The following NCAM2 variants were observed in gnomAD, a reference collection of about 807,000 sequenced individuals.
The protein encoded by NCAM2 is neural cell adhesion molecule 2.
In NCAM2, 30 loss-of-function variants were observed where a neutral mutation model predicts 98.1. That is an observed-to-expected ratio of 0.31 (90% CI 0.23 to 0.41). NCAM2 has a LOEUF of 0.41. Among genes scored for constraint, NCAM2 ranks in the 10% least tolerant of loss-of-function variants. NCAM2 has a pLI of 1.00. For missense variants in NCAM2, 867 were observed against 1,005.8 expected, an observed-to-expected ratio of 0.86 and a Z score of 1.87; for synonymous variants, 368 against 342.4, an observed-to-expected ratio of 1.07 and a Z score of -0.83.
chr21:21,355,149 C>T (rs80161382), intron 8 of NCAM2, among the ~76,000 whole-genome samples: 2,672 of 152,050 alleles, frequency 0.018, 75 homozygotes, highest in East Asian at 0.14. Flanking sequence ...AAGATTATTT[C>T]GTGACCGGGC....
At chr21:21,515,754 A>G (rs780159230) in intron 16 of NCAM2, among the ~76,000 whole-genome samples, 4 of 152,170 alleles carry the variant, frequency 2.6e-5, no homozygotes, top group Non-Finnish European at 4.4e-5. Flanking sequence ...GACACTATAA[A>G]CAATGACAGC....
In NCAM2 at chr21:21,196,941, T is replaced by C. The variant is rs540304237; in HGVS notation, c.56-83637T>C. On this transcript the variant is annotated intron_variant, in intron 1 of 17. Coordinates refer to ENST00000400546, the MANE Select transcript of NCAM2 (RefSeq NM_004540.5). ...TGGGAGATCTCGTTGTTTAAAAGTG[T>C]GGAGCACGTAGCACCTTCCCCTCAC... Among the ~76,000 whole-genome samples, 96 of 152,074 alleles carry C rather than the reference T, an allele frequency of 6.3e-4. 3 individuals carry two copies. The highest frequency in any genetic ancestry group is 5.4e-3 in the Admixed American group (83 of 15,252).
chr21:21,348,325 T>C (rs2075243678), intron 8 of NCAM2, among the ~76,000 whole-genome samples: 2 of 151,872 alleles, frequency 1.3e-5, no homozygotes, highest in Admixed American at 1.3e-4. Context: ...GTGAAGAATG[T>C]GAAAAATAAA....
intron 1 of NCAM2, among the ~76,000 whole-genome samples, chr21:21,262,477 G>A (rs1258044748): frequency 2.0e-5 from 3 of 151,768 alleles, no homozygotes; most frequent in Admixed American, 1.3e-4. Flanking sequence ...ATACTTGCAA[G>A]AAAAATCAAA....
At chr21:21,062,873 A>C (rs999525360) in intron 1 of NCAM2, among the ~76,000 whole-genome samples, 1 of 152,222 alleles carries the variant, frequency 6.6e-6, no homozygotes, top group Non-Finnish European at 1.5e-5. Flanking sequence ...ATCATAACTC[A>C]TATGCAGATG....
intron 1 of NCAM2, among the ~76,000 whole-genome samples, chr21:21,020,429 G>C (rs1362993596): frequency 6.6e-6 from 1 of 152,266 alleles, no homozygotes; most frequent in East Asian, 1.9e-4. Context: ...TCTGGGCTCT[G>C]GTGGAAGCTT....
chr21:21,446,493 C>T (rs188474241), intron 12 of NCAM2, among the ~76,000 whole-genome samples: 50 of 151,982 alleles, frequency 3.3e-4, no homozygotes, highest in South Asian at 4.1e-4. Context: ...AGTCTTTTTA[C>T]GTAGTCCCAT....
chr21:21,454,774 G>C (rs1314172913), intron 12 of NCAM2, among the ~76,000 whole-genome samples: 1 of 151,898 alleles, frequency 6.6e-6, no homozygotes, highest in Non-Finnish European at 1.5e-5. Flanking sequence ...TCTAAATGCT[G>C]GCGGGCTTTT....
At chr21:21,380,594 A>C (rs1285136161) in intron 9 of NCAM2, among the ~76,000 whole-genome samples, 1 of 151,502 alleles carries the variant, frequency 6.6e-6, no homozygotes, top group Admixed American at 6.6e-5. Flanking sequence ...GAGGCTGCCC[A>C]CATTCCTTGC....
intron 16 of NCAM2, among the ~76,000 whole-genome samples, chr21:21,519,273 G>A (rs750729943): frequency 2.0e-5 from 3 of 152,102 alleles, no homozygotes; most frequent in Non-Finnish European, 2.9e-5. Flanking sequence ...GTGAAGAATG[G>A]GTTATTGGAC....
chr21:21,409,265 C>T (rs1460133810), intron 9 of NCAM2, among the ~76,000 whole-genome samples: 1 of 152,034 alleles, frequency 6.6e-6, no homozygotes, highest in Non-Finnish European at 1.5e-5. Flanking sequence ...TATGTTTTCA[C>T]ATTTAGATTT....
chr21:21,265,430 T>TATATA, intron 1 of NCAM2, among the ~76,000 whole-genome samples: 1 of 37,998 alleles, frequency 2.6e-5, no homozygotes, highest in African/African-American at 1.4e-4. Context: ...TATATGTGTG[T>TATATA]ATATATATTA....
intron 1 of NCAM2, among the ~76,000 whole-genome samples, chr21:21,168,132 T>C (rs1318527689): frequency 6.6e-6 from 1 of 151,986 alleles, no homozygotes; most frequent in African/African-American, 2.4e-5. Context: ...TTACTCCGGG[T>C]GTGTAAGTCT....
chr21:21,324,249 C>T (rs1199821271), intron 5 of NCAM2, 134 bp from the exon 6 acceptor site: 1 of 588,860 alleles, frequency 1.7e-6, no homozygotes, highest in Non-Finnish European at 2.9e-6. Flanking sequence ...ACTGTGAAAC[C>T]AAATCAGTTT....
At chr21:21,205,085 G>T (rs1489128261) in intron 1 of NCAM2, among the ~76,000 whole-genome samples, 1 of 152,102 alleles carries the variant, frequency 6.6e-6, no homozygotes, top group Non-Finnish European at 1.5e-5. Flanking sequence ...TGTGTGACAT[G>T]TGCACACAAG....
chr21:21,490,765 A>G (rs1320250035), intron 15 of NCAM2, among the ~76,000 whole-genome samples: 3 of 151,658 alleles, frequency 2.0e-5, no homozygotes, highest in African/African-American at 7.3e-5. Context: ...ACTTCTGATC[A>G]TTTAATTGCA....
chr21:21,498,358 A>G (rs963984142), intron 15 of NCAM2, among the ~76,000 whole-genome samples: 1 of 152,138 alleles, frequency 6.6e-6, no homozygotes, highest in Non-Finnish European at 1.5e-5. Flanking sequence ...TTTTCTCTTC[A>G]TAGATAACAA....
intron 8 of NCAM2, among the ~76,000 whole-genome samples, chr21:21,356,025 GA>G: frequency 1.3e-5 from 2 of 152,254 alleles, no homozygotes; most frequent in South Asian, 4.1e-4. Flanking sequence ...CCGTAGTGTA[GA>G]AATAGTATTT....
rs374013024 is a variant in NCAM2 at position 21,470,108 on chromosome 21, C to T, written c.1896+1325C>T. On this transcript the variant is annotated intron_variant, in intron 14 of 17. Coordinates refer to ENST00000400546, the MANE Select transcript of NCAM2 (RefSeq NM_004540.5). The stretch of plus-strand genomic sequence containing the variant: ...AATGCAATGACTACTTGTGAGACAA[C>T]GTGTTGTATATTTTTATTTGTACTG... 2.0e-5 allele frequency among the ~76,000 whole-genome samples: 3 copies of T among 151,920 alleles called. No homozygotes were observed. In the East Asian group the frequency reaches 5.8e-4, roughly 29 times the overall value.
Sources: allele counts gnomAD v4.1 joint callset (sites outside exome capture counted in the v4.1 genomes callset), GRCh38; gene constraint gnomAD v4.1.1; transcripts MANE v1.5; gene names NCBI Gene and HGNC (gene_info 2026-07-23, HGNC 2026-07-21).